Variants in CATSPER4 observed in about 807,000 individuals in gnomAD.
CATSPER4 encodes the protein cation channel sperm associated 4, also known as cation channel sperm-associated protein 4.
In CATSPER4, 46 loss-of-function variants were observed where a neutral mutation model predicts 54.4. That is an observed-to-expected ratio of 0.84 (90% CI 0.67 to 1.08). The LOEUF (loss-of-function observed/expected upper bound fraction) is 1.08, where lower values mean the gene tolerates loss of function less well. CATSPER4 is among the 50% of genes least tolerant of loss of function. The probability of loss-of-function intolerance (pLI) is 0.00; values close to 1 mark genes in which losing one functional copy is unlikely to be tolerated. For synonymous variants in CATSPER4, 230 were observed against 231.9 expected, an observed-to-expected ratio of 0.99 and a Z score of 0.08; for missense variants, 574 against 612.8, an observed-to-expected ratio of 0.94 and a Z score of 0.67.
chr1:26,201,429 G>T lies in CATSPER4; in HGVS notation c.1275G>T (p.Thr425=). The T allele has an allele frequency of 6.2e-7, 1 of 1,614,032 alleles. No individual in the cohort carries two copies. Among genetic ancestry groups the T allele is most frequent in the African/African-American group, 1.3e-5 (1 of 75,042 alleles). Residue 425 remains threonine (T), a synonymous_variant, in exon 9 of 10, where the codon ACG becomes ACT. Transcript: ENST00000456354. ...AGGTGTTGAACAGGCGCTCGTCGAC[G>T]AGCGGGTCGTTGGAGACTACGTCAT... ...ESEVLNRRSS[T]SGSLETTSSK...
In CATSPER4 at chr1:26,202,714, C is replaced by T. The variant is rs922253096; in HGVS notation, c.*172C>T. ...CACCTGCAGGTCTGGTGCCTGTGAG[C>T]CCCAGGTCCGGTGGAGCAAGGAGAG... On this transcript the variant is annotated 3_prime_UTR_variant, in exon 10 of 10. Transcript: ENST00000456354. The T allele has an allele frequency of 6.0e-6, 4 of 665,986 alleles. No individual in the cohort carries two copies. Among genetic ancestry groups the T allele is most frequent in the Non-Finnish European group, 1.1e-5 (4 of 368,042 alleles). 41.3% of individuals were successfully genotyped at this position (665,986 alleles called of 1,614,324 possible). A position where few individuals can be genotyped will look rare whatever the true frequency, so the allele number is the denominator to read the frequency against.
Position 26,197,727 on chromosome 1 carries a change from G to C in CATSPER4, c.501G>C (p.Leu167Phe). ...NILNFIIVFI[L>F]LLRFFINEIN... ...TCAACTTCATTATCGTCTTTATCTT[G>C]CTCTTGCGGTTCTTCATTAATGAAA... Residue 167 changes from leucine (L) to phenylalanine (F), a missense_variant, in exon 4 of 10, where the codon TTG (leucine) becomes TTC (phenylalanine). Physicochemically the swap from Leu to Phe is conservative, Grantham distance 22. Transcript: ENST00000456354. 6.2e-7 allele frequency: 1 copy of C among 1,613,908 alleles called. No homozygotes were observed. Among genetic ancestry groups the C allele is most frequent in the Non-Finnish European group, 8.5e-7 (1 of 1,179,994 alleles).
intron 3 of CATSPER4, among the ~76,000 whole-genome samples, chr1:26,194,557 A>G (rs2088909441): frequency 6.6e-6 from 1 of 152,160 alleles, no homozygotes. Context: ...CTGTTTATCC[A>G]TCTTCCTCAA....
intron 3 of CATSPER4, 31 bp downstream of exon 3, chr1:26,193,919 C>T (rs748746380): frequency 1.4e-6 from 2 of 1,468,134 alleles, no homozygotes; most frequent in Admixed American, 1.7e-5. Flanking sequence ...CCCCTACTTC[C>T]CCCTGGGGAC....
rs971535104 is a variant in CATSPER4, at chr1:26,201,264, A to G, written c.1200-90A>G. ...GGTCTCTGTCAGGGCTGCGTGGGAG[A>G]GCGAAGCGGGGGTGACGCCAGGGAA... On this transcript the variant is annotated intron_variant, in intron 8 of 9. Coordinates refer to ENST00000456354, the MANE Select transcript of CATSPER4 (RefSeq NM_198137.2). 5.0e-6 allele frequency: 7 copies of G among 1,398,370 alleles called. No individual in the cohort carries two copies. In the African/African-American group the frequency reaches 9.9e-5, roughly 20 times the overall value. The allele number at this position is 1,398,370 out of a possible 1,614,324, so 86.6% of individuals were successfully genotyped here. A position where few individuals can be genotyped will look rare whatever the true frequency, so the allele number is the denominator to read the frequency against.
At chr1:26,202,445 T>G (rs766134334) in intron 9 of CATSPER4, 44 bp from the exon 10 acceptor site, 16 of 1,570,910 alleles carry the variant, frequency 1.0e-5, no homozygotes, top group African/African-American at 1.3e-5. Flanking sequence ...GGCTGCCATA[T>G]CGGGGGGAGT....
intron 9 of CATSPER4, 112 bp downstream of exon 9, chr1:26,201,631 T>A (rs552918462): frequency 1.2e-4 from 120 of 962,140 alleles, no homozygotes; most frequent in Non-Finnish European, 1.7e-4. Context: ...CAAGATCTGG[T>A]CCCCCTCACC....
chr1:26,195,586 T>C lies in CATSPER4; in HGVS notation c.459+1698T>C, dbSNP rs189261911. ...CGCGATCTCGGCTCACTGCAAGCTC[T>C]GCCTCCCCGGGTTCACACCATTCTT... On this transcript the variant is annotated intron_variant, in intron 3 of 9. Transcript: ENST00000456354. Among the ~76,000 whole-genome samples the C allele has an allele frequency of 8.4e-3, 1,269 of 151,716 alleles. 67 individuals carry two copies. Among genetic ancestry groups the C allele is most frequent in the Admixed American group, 0.068 (1,029 of 15,220 alleles).
chr1:26,198,234 T>C lies in CATSPER4; in HGVS notation c.679-52T>C, dbSNP rs191423218. Reference sequence around the variant, plus strand: ...TCATTTACATGACATTTGTGTGTCCTATTTCCAGGCCCTTTGGTGAAGTCG... The same window carrying C: ...TCATTTACATGACATTTGTGTGTCCCATTTCCAGGCCCTTTGGTGAAGTCG... On this transcript the variant is annotated intron_variant, in intron 5 of 9. Transcript: ENST00000456354. 4.3e-6 allele frequency: 7 copies of C among 1,614,164 alleles called. No homozygotes were observed. The African/African-American group carries it at 8.0e-5, about 18-fold the overall frequency.
chr1:26,201,771 C>G (rs777968471), intron 9 of CATSPER4, among the ~76,000 whole-genome samples: 6 of 150,808 alleles, frequency 4.0e-5, no homozygotes, highest in African/African-American at 4.9e-5. Flanking sequence ...CTCGCTGCCA[C>G]CTCTGCGGCC....
chr1:26,197,012 A>G (rs908160842), intron 3 of CATSPER4, among the ~76,000 whole-genome samples: 7 of 150,686 alleles, frequency 4.6e-5, no homozygotes, highest in African/African-American at 1.5e-4. Context: ...GGTTCAAGCA[A>G]CTCTCCTGCC....
chr1:26,190,846 G>T lies in CATSPER4; in HGVS notation c.213+6G>T, dbSNP rs2088858145. ...AGGAAATCACGAACAAAGCGGTAAG[G>T]ATAGCTCTCGCCCCACAGTGGCCCC... On this transcript the variant is annotated splice_donor_region_variant and intron_variant, in intron 1 of 9. Transcript: ENST00000456354. 5 of 1,598,240 alleles carry T rather than the reference G, an allele frequency of 3.1e-6. No homozygotes were observed. The highest frequency in any genetic ancestry group is 1.1e-5 in the South Asian group (1 of 88,786).
chr1:26,190,766 A>G lies in CATSPER4; in HGVS notation c.139A>G (p.Ser47Gly). The G allele has an allele frequency of 1.9e-6, 3 of 1,613,568 alleles. No homozygotes were observed. Among genetic ancestry groups the G allele is most frequent in the Non-Finnish European group, 1.7e-6 (2 of 1,179,874 alleles). The change falls in exon 1 of 10, where the codon AGT becomes GGT. Residue 47 changes from serine (S) to glycine (G), a missense_variant. Transcript: ENST00000456354. ...GAGGGGCCGCCCCTCTCCCCTGCAGAGTACCATTCACGAGTCCTACGGTCG... is the reference window on the plus strand; with the variant it reads ...GAGGGGCCGCCCCTCTCCCCTGCAGGGTACCATTCACGAGTCCTACGGTCG... Reference protein sequence around the residue: ...ALRGRPSPLQSTIHESYGRPE... With the variant: ...ALRGRPSPLQGTIHESYGRPE...
At position 26,200,493 on chromosome 1, in the gene CATSPER4, G is replaced by A. The variant is rs925618646; in HGVS notation, c.988-337G>A. Among the ~76,000 whole-genome samples, 10 of 152,108 alleles carry A rather than the reference G, an allele frequency of 6.6e-5. No individual in the cohort carries two copies. The South Asian group carries it at 1.0e-3, about 16-fold the overall frequency. On this transcript the variant is annotated intron_variant, in intron 7 of 9. Coordinates refer to ENST00000456354, the MANE Select transcript of CATSPER4 (RefSeq NM_198137.2). ...GTACTTCCATAAGGTTGGGGAAAGG[G>A]GTGGAGTACTTCTAAAAGAGTGGAG... is the stretch of plus-strand genomic sequence containing the variant.
intron 1 of CATSPER4, 102 bp from the exon 2 acceptor site, chr1:26,191,185 T>A: frequency 7.2e-7 from 1 of 1,397,338 alleles, no homozygotes; most frequent in South Asian, 1.2e-5. Flanking sequence ...ATTTCCCCCC[T>A]CTAGAGTGGG....
Position 26,198,292 on chromosome 1 carries a change from T to G in CATSPER4, c.685T>G (p.Ser229Ala). Residue 229 changes from serine (S) to alanine (A), a missense_variant, in exon 6 of 10, where the codon TCC (serine) becomes GCC (alanine). By Grantham distance (99) the Ser-to-Ala change is moderately conservative (BLOSUM62 1). Coordinates refer to ENST00000456354, the MANE Select transcript of CATSPER4 (RefSeq NM_198137.2). ...VLILFFMLVFSVFGVTLFGAF... is the reference protein window; with the variant it reads ...VLILFFMLVFAVFGVTLFGAF... ...GCTCTTTTCTCTCTGACAGGTTTTT[T>G]CCGTGTTTGGAGTAACACTCTTTGG... 1 of 1,614,236 alleles carries G rather than the reference T, an allele frequency of 6.2e-7. No individual in the cohort carries two copies. The highest frequency in any genetic ancestry group is 8.5e-7 in the Non-Finnish European group (1 of 1,180,040).
At chr1:26,192,274 C>T (rs1205332007) in intron 2 of CATSPER4, among the ~76,000 whole-genome samples, 4 of 151,722 alleles carry the variant, frequency 2.6e-5, no homozygotes, top group Non-Finnish European at 5.9e-5. Flanking sequence ...ACTACAGGCA[C>T]GAGCTACCAT....
At chr1:26,201,322 C>T (rs2089005085) in intron 8 of CATSPER4, 32 bp from the exon 9 acceptor site, 2 of 1,612,238 alleles carry the variant, frequency 1.2e-6, no homozygotes, top group Admixed American at 1.7e-5. Context: ...CCCCTGAGGC[C>T]TTCTGAAAGG....
intron 2 of CATSPER4, among the ~76,000 whole-genome samples, chr1:26,193,379 G>T (rs2124523550): frequency 6.6e-6 from 1 of 152,190 alleles, no homozygotes; most frequent in African/African-American, 2.4e-5. Flanking sequence ...ACCCTCAGAG[G>T]CCAGGCCTTT....
Sources: gnomAD v4.1 joint callset for allele counts (sites outside exome capture counted in the v4.1 genomes callset) on GRCh38, gnomAD v4.1.1 for gene constraint, MANE v1.5 for transcripts, NCBI Gene and HGNC (gene_info 2026-07-23, HGNC 2026-07-21) for gene names.